Variants in DKK4 observed in about 807,000 individuals in gnomAD.
DKK4 encodes dickkopf-related protein 4.
DKK4 carries 15 observed loss-of-function variants against 14.5 expected under a neutral mutation model. The observed-to-expected ratio is 1.03, with a 90% CI of 0.69 to 1.59. The LOEUF (loss-of-function observed/expected upper bound fraction) is 1.59, where lower values mean the gene tolerates loss of function less well. Ranked by LOEUF, DKK4 falls within the 40% of genes most tolerant of loss-of-function variation. The probability of loss-of-function intolerance (pLI) is 0.00; values close to 1 mark genes in which losing one functional copy is unlikely to be tolerated. For synonymous variants in DKK4, 89 were observed against 105.2 expected, an observed-to-expected ratio of 0.85 and a Z score of 0.94; for missense variants, 272 against 280.3, an observed-to-expected ratio of 0.97 and a Z score of 0.21.
intron 1 of DKK4, 35 bp from the exon 2 acceptor site, chr8:42,375,865 A>G (rs764606744): frequency 6.2e-7 from 1 of 1,607,934 alleles, no homozygotes; most frequent in South Asian, 1.1e-5. Flanking sequence ...AGGCTAGGAA[A>G]CCCCCAACAC....
chr8:42,381,280 G>A (rs1055352335), upstream of DKK4, among the ~76,000 whole-genome samples: 3 of 152,134 alleles, frequency 2.0e-5, no homozygotes, highest in Non-Finnish European at 4.4e-5. Context: ...TAGAGACAGA[G>A]AATTCAGGAT....
At chr8:42,390,450 G>A in the DKK4 span, among the ~76,000 whole-genome samples, 451 of 131,344 alleles carry the variant, frequency 3.4e-3, 1 homozygote, top group Non-Finnish European at 5.5e-3. Flanking sequence ...TGCAAGCTCC[G>A]CCTCCCGGGT....
chr8:42,375,046 G>C, intron 2 of DKK4, 133 bp from the exon 3 acceptor site: 1 of 866,668 alleles, frequency 1.2e-6, no homozygotes, highest in Non-Finnish European at 1.8e-6. Context: ...TAGATTTCTG[G>C]AACATGTGCT....
upstream of DKK4, among the ~76,000 whole-genome samples, chr8:42,379,380 G>GTAT (rs1824627237): frequency 2.9e-4 from 4 of 13,878 alleles, no homozygotes; most frequent in South Asian, 3.9e-3. Flanking sequence ...TATATATATA[G>GTAT]AGAGAGAGAG....
chr8:42,380,789 GAAGA>G (rs1234296137), upstream of DKK4, among the ~76,000 whole-genome samples: 35 of 121,628 alleles, frequency 2.9e-4, no homozygotes, highest in Admixed American at 8.8e-5. Context: ...TGAGAGAAAG[GAAGA>G]AAGAAAAAGA....
chr8:42,374,968 GAC>G (rs768772501), intron 2 of DKK4, 55 bp from the exon 3 acceptor site: 88 of 1,579,618 alleles, frequency 5.6e-5, no homozygotes, highest in Non-Finnish European at 6.3e-5. Context: ...GAGAACCACA[GAC>G]ACACTAATTA....
upstream of DKK4, among the ~76,000 whole-genome samples, chr8:42,381,674 A>C (rs1824682777): frequency 6.6e-6 from 1 of 152,122 alleles, no homozygotes; most frequent in South Asian, 2.1e-4. Flanking sequence ...ACCCCACTGC[A>C]ATTGCCTACT....
chr8:42,375,824 G>A lies in DKK4; in HGVS notation c.118C>T (p.Gln40Ter), dbSNP rs1231638629. The stretch of plus-strand genomic sequence containing the variant: ...TTGCAGTCCGTGTCAGACAGGCACT[G>A]TGAGCCCTGTGGAGGGAATCTGTTA... ...ADLHGARKGS[Q>*]CLSDTDCNTR... Residue 40 changes from glutamine (Q) to a stop codon, truncating the protein, a stop_gained, in exon 2 of 4, where the codon CAG becomes TAG. Coordinates refer to ENST00000220812, the MANE Select transcript of DKK4 (RefSeq NM_014420.3). LOFTEE classifies it high-confidence loss of function. 6.2e-7 allele frequency: 1 copy of A among 1,613,902 alleles called. No individual in the cohort carries two copies. The highest frequency in any genetic ancestry group is 8.5e-7 in the Non-Finnish European group (1 of 1,179,908).
the DKK4 span, among the ~76,000 whole-genome samples, chr8:42,387,064 G>T: frequency 6.6e-6 from 1 of 152,220 alleles, no homozygotes; most frequent in South Asian, 2.1e-4. Flanking sequence ...TGCTCTGGGT[G>T]TTTCCCTGGA....
At chr8:42,376,879 A>G (rs1019393026) in intron 1 of DKK4, 56 bp downstream of exon 1, 41 of 1,438,700 alleles carry the variant, frequency 2.8e-5, no homozygotes, top group Non-Finnish European at 3.7e-5. Context: ...AAGCCTAAAC[A>G]AAACACCCCA....
upstream of DKK4, among the ~76,000 whole-genome samples, chr8:42,379,326 A>C (rs1162854765): frequency 1.1e-4 from 14 of 132,032 alleles, no homozygotes; most frequent in Admixed American, 1.1e-3. Context: ...AGGTGGGAGA[A>C]TCATTTAAGC....
intron 2 of DKK4, 118 bp from the exon 3 acceptor site, chr8:42,375,031 CTT>C (rs1374017415): frequency 9.9e-7 from 1 of 1,011,692 alleles, no homozygotes; most frequent in Non-Finnish European, 1.4e-6. Context: ...TTATATATAA[CTT>C]TCTAGATTTC....
At chr8:42,389,333 A>C in the DKK4 span, among the ~76,000 whole-genome samples, 1 of 152,244 alleles carries the variant, frequency 6.6e-6, no homozygotes, top group Non-Finnish European at 1.5e-5. Flanking sequence ...AGGCAGAGAG[A>C]GGTTAATGCT....
the DKK4 span, among the ~76,000 whole-genome samples, chr8:42,390,358 C>CTTT: frequency 2.9e-3 from 288 of 99,444 alleles, no homozygotes; most frequent in African/African-American, 5.2e-3. Flanking sequence ...CTTTTGCTTC[C>CTTT]TTTTTTTTTT....
intron 1 of DKK4, among the ~76,000 whole-genome samples, chr8:42,376,208 G>T (rs561839181): frequency 1.3e-5 from 2 of 152,198 alleles, no homozygotes; most frequent in South Asian, 4.1e-4. Flanking sequence ...GATGTTTGTG[G>T]CATTCCTATT....
At chr8:42,382,550 C>T in the DKK4 span, among the ~76,000 whole-genome samples, 1 of 152,246 alleles carries the variant, frequency 6.6e-6, no homozygotes, top group Non-Finnish European at 1.5e-5. Flanking sequence ...ACAGAATTCA[C>T]TCCACAAGGC....
At chr8:42,386,627 C>T in the DKK4 span, among the ~76,000 whole-genome samples, 1 of 152,064 alleles carries the variant, frequency 6.6e-6, no homozygotes, top group Non-Finnish European at 1.5e-5. Flanking sequence ...TAGCTGGGAA[C>T]ACAGACGTGC....
In DKK4 at chr8:42,375,964, T is replaced by G; in HGVS notation, c.112-134A>C. ...ACAAACCCTGGGCAGCATCTTACTC[T>G]CCAGTGGAAATGGTTTTCTCCCACA... On this transcript the variant is annotated intron_variant, in intron 1 of 3. Coordinates refer to ENST00000220812, the MANE Select transcript of DKK4 (RefSeq NM_014420.3). The G allele has an allele frequency of 2.5e-6, 3 of 1,183,430 alleles. No homozygotes were observed. The South Asian group carries it at 4.6e-5, about 18-fold the overall frequency. The allele number at this position is 1,183,430 out of a possible 1,614,324, so 73.3% of individuals were successfully genotyped here.
At chr8:42,387,291 A>T in the DKK4 span, among the ~76,000 whole-genome samples, 2 of 147,498 alleles carry the variant, frequency 1.4e-5, no homozygotes, top group African/African-American at 4.9e-5. Flanking sequence ...GGAAATGAGA[A>T]TGTGAGAACG....
Sources: gnomAD v4.1 joint callset for allele counts (sites outside exome capture counted in the v4.1 genomes callset) on GRCh38, gnomAD v4.1.1 for gene constraint, MANE v1.5 for transcripts, NCBI Gene and HGNC (gene_info 2026-07-23, HGNC 2026-07-21) for gene names.